ATP8A2: variants seen among roughly 807,000 people sequenced by gnomAD.
ATP8A2 encodes the protein phospholipid-transporting ATPase IB.
ATP8A2 carries 100 observed loss-of-function variants against 165.6 expected under a neutral mutation model. The observed-to-expected ratio is 0.60, with a 90% confidence interval of 0.51 to 0.71. The LOEUF (loss-of-function observed/expected upper bound fraction) is 0.71, where lower values mean the gene tolerates loss of function less well. ATP8A2 is among the 30% of genes least tolerant of loss of function. ATP8A2 has a pLI of 0.00. For synonymous variants in ATP8A2, 543 were observed against 548.8 expected, an observed-to-expected ratio of 0.99 and a Z score of 0.15; for missense variants, 1,227 against 1,479.5, an observed-to-expected ratio of 0.83 and a Z score of 2.80.
intron 33 of ATP8A2, among the ~76,000 whole-genome samples, chr13:25,918,317 A>G (rs1954327988): frequency 6.6e-6 from 1 of 152,220 alleles, no homozygotes; most frequent in Non-Finnish European, 1.5e-5. Flanking sequence ...GGAAATTTGT[A>G]ACAAGAAATG....
rs528708555 is a variant in ATP8A2 at position 25,766,865 on chromosome 13, G to A, written c.2385-2181G>A. Among the ~76,000 whole-genome samples the A allele has an allele frequency of 1.2e-3, 188 of 152,288 alleles. 1 individual carries two copies. Among genetic ancestry groups the A allele is most frequent in the African/African-American group, 4.3e-3 (179 of 41,548 alleles). On this transcript the variant is annotated intron_variant, in intron 25 of 36. Coordinates refer to ENST00000381655, the MANE Select transcript of ATP8A2 (RefSeq NM_016529.6). ...CACATAATCCTATGCTAGGTGGAGT[G>A]TGAGATGCAATTGTTTTATACTTGC...
intron 1 of ATP8A2, among the ~76,000 whole-genome samples, chr13:25,412,113 T>C (rs1442001435): frequency 1.3e-5 from 2 of 152,134 alleles, no homozygotes; most frequent in Non-Finnish European, 2.9e-5. Context: ...CCGGGGGTGG[T>C]GGGTGCCCCT....
At chr13:25,899,663 C>T (rs1294144905) in intron 33 of ATP8A2, among the ~76,000 whole-genome samples, 2 of 151,970 alleles carry the variant, frequency 1.3e-5, no homozygotes, top group Non-Finnish European at 2.9e-5. Context: ...GAGGACAGGG[C>T]CACAGTCAGA....
At chr13:25,790,675 CAA>C (rs1459555749) in intron 27 of ATP8A2, among the ~76,000 whole-genome samples, 2 of 136,358 alleles carry the variant, frequency 1.5e-5, no homozygotes, top group Admixed American at 1.5e-4. Context: ...GCCTGGGCAA[CAA>C]AGTGAGACCT....
At chr13:25,506,651 G>A (rs573344760) in intron 2 of ATP8A2, among the ~76,000 whole-genome samples, 26 of 152,304 alleles carry the variant, frequency 1.7e-4, no homozygotes, top group Admixed American at 4.6e-4. Context: ...GTTTCTCCTC[G>A]TGTGGAACAC....
chr13:25,979,360 G>A (rs547022080), intron 35 of ATP8A2, among the ~76,000 whole-genome samples: 32 of 152,320 alleles, frequency 2.1e-4, no homozygotes, highest in African/African-American at 6.7e-4. Flanking sequence ...TGGATCTCAT[G>A]CTGGTGTATC....
At chr13:25,644,306 A>G (rs11840209) in intron 24 of ATP8A2, among the ~76,000 whole-genome samples, 5,261 of 152,162 alleles carry the variant, frequency 0.035, 155 homozygotes, top group East Asian at 0.13. Flanking sequence ...TGCTTTTCCT[A>G]CGTCTAATGA....
chr13:25,704,689 TTAAACCATA>T (rs1160318698), intron 25 of ATP8A2, among the ~76,000 whole-genome samples: 23 of 152,172 alleles, frequency 1.5e-4, no homozygotes, highest in African/African-American at 5.5e-4. Flanking sequence ...TTTAGAGAGA[TTAAACCATA>T]TAAGCACATT....
chr13:25,952,384 CT>C (rs11423629), intron 33 of ATP8A2, among the ~76,000 whole-genome samples: 6,403 of 147,192 alleles, frequency 0.044, 185 homozygotes, highest in African/African-American at 0.087. Context: ...TCTTTTTCTT[CT>C]TTTTTTTTTT....
chr13:25,823,185 G>T (rs991562998), intron 27 of ATP8A2, among the ~76,000 whole-genome samples: 2 of 152,096 alleles, frequency 1.3e-5, no homozygotes, highest in Non-Finnish European at 2.9e-5. Flanking sequence ...CTAAGAATTT[G>T]ATCTTTTTTG....
At chr13:25,552,861 C>A (rs562935393) in intron 11 of ATP8A2, among the ~76,000 whole-genome samples, 1 of 152,102 alleles carries the variant, frequency 6.6e-6, no homozygotes, top group African/African-American at 2.4e-5. Context: ...TGTACCTTCC[C>A]AGCTCCTTGT....
chr13:25,443,261 A>T (rs369221885), intron 1 of ATP8A2, among the ~76,000 whole-genome samples: 1 of 152,204 alleles, frequency 6.6e-6, no homozygotes, highest in East Asian at 1.9e-4. Flanking sequence ...TATAGTGATT[A>T]ATCTTCACTT....
At chr13:25,789,255 A>G (rs1228045207) in intron 27 of ATP8A2, among the ~76,000 whole-genome samples, 2 of 152,232 alleles carry the variant, frequency 1.3e-5, no homozygotes, top group African/African-American at 4.8e-5. Context: ...GGATCAGAAG[A>G]CAAAACACAA....
intron 2 of ATP8A2, among the ~76,000 whole-genome samples, chr13:25,514,890 T>A (rs1019704695): frequency 3.3e-5 from 5 of 152,162 alleles, no homozygotes; most frequent in Admixed American, 6.5e-5. Flanking sequence ...CCCTGCCTAA[T>A]ATATGATTGT....
intron 1 of ATP8A2, among the ~76,000 whole-genome samples, chr13:25,395,070 A>T (rs1158461986): frequency 6.6e-6 from 1 of 151,940 alleles, no homozygotes; most frequent in African/African-American, 2.4e-5. Flanking sequence ...ACATACAAAG[A>T]CTCTATGTCT....
intron 35 of ATP8A2, among the ~76,000 whole-genome samples, chr13:26,004,599 A>G (rs915662955): frequency 6.6e-6 from 1 of 152,070 alleles, no homozygotes; most frequent in African/African-American, 2.4e-5. Context: ...CCTTAGAGGA[A>G]AAGCTTTCAA....
intron 33 of ATP8A2, among the ~76,000 whole-genome samples, chr13:25,864,594 A>G (rs1258802635): frequency 2.6e-5 from 4 of 152,268 alleles, no homozygotes; most frequent in Non-Finnish European, 4.4e-5. Context: ...ATCCGAAAGC[A>G]AAGAAGTGAT....
intron 27 of ATP8A2, among the ~76,000 whole-genome samples, chr13:25,805,377 A>G (rs1487274926): frequency 6.6e-6 from 1 of 152,070 alleles, no homozygotes; most frequent in Non-Finnish European, 1.5e-5. Context: ...TTAGCCAGGC[A>G]TGGTGGTGCA....
chr13:25,720,167 C>CTTTTTTTT (rs1007404557), intron 25 of ATP8A2, among the ~76,000 whole-genome samples: 13 of 117,258 alleles, frequency 1.1e-4, no homozygotes, highest in African/African-American at 4.6e-4. Flanking sequence ...TATACTTTTT[C>CTTTTTTTT]TTTTTTTTTT....
Sources: gnomAD v4.1 joint callset for allele counts (sites outside exome capture counted in the v4.1 genomes callset) on GRCh38, gnomAD v4.1.1 for gene constraint, MANE v1.5 for transcripts, NCBI Gene and HGNC (gene_info 2026-07-23, HGNC 2026-07-21) for gene names.